Variants in TENM2 observed in about 807,000 individuals in gnomAD.
TENM2 encodes the protein teneurin-2.
A neutral mutation model predicts 245.2 loss-of-function variants in TENM2; 52 were observed. The observed-to-expected ratio is 0.21, with a 90% CI of 0.17 to 0.27. The LOEUF (loss-of-function observed/expected upper bound fraction) is 0.27. Ranked by LOEUF, TENM2 falls within the 10% of genes least tolerant of loss-of-function variation. The pLI, the probability that TENM2 is intolerant of heterozygous loss-of-function variation, is 1.00. For synonymous variants in TENM2, 1,363 were observed against 1,438.9 expected (o/e 0.95, Z 1.19); for missense variants, 3,046 against 3,666.8 (o/e 0.83, Z 4.37).
intron 2 of TENM2, among the ~76,000 whole-genome samples, chr5:167,474,957 C>T (rs1466401287): frequency 6.6e-6 from 1 of 152,096 alleles, no homozygotes; most frequent in Non-Finnish European, 1.5e-5. Context: ...CAGTGAACCA[C>T]CAAAAGTTTG....
chr5:167,016,261 A>AAC, the TENM2 span, among the ~76,000 whole-genome samples: 58 of 117,130 alleles, frequency 5.0e-4, no homozygotes, highest in African/African-American at 1.8e-3. Context: ...CTCAAAAAAA[A>AAC]AAACAAACAA....
At chr5:167,866,132 G>A (rs548900844) in intron 2 of TENM2, among the ~76,000 whole-genome samples, 8 of 152,288 alleles carry the variant, frequency 5.3e-5, no homozygotes, top group African/African-American at 1.9e-4. Context: ...CAGTGAGTGT[G>A]GTGATCAGAA....
chr5:168,248,132 AT>A lies in TENM2; in HGVS notation c.7195del (p.Tyr2399MetfsTer21). On this transcript the variant is annotated frameshift_variant, in exon 27 of 29. Transcript: ENST00000518659. LOFTEE classifies it high-confidence loss of function. ...CAGTACACGGCCTATGGGGAGATTT[AT>A]TATGACTCCAACCCCGACTTCCAGA... The A allele has an allele frequency of 6.2e-7, 1 of 1,613,946 alleles. No homozygotes were observed. The highest frequency in any genetic ancestry group is 8.5e-7 in the Non-Finnish European group (1 of 1,179,868).
chr5:167,909,451 A>G (rs1041585349), intron 3 of TENM2, among the ~76,000 whole-genome samples: 1 of 152,208 alleles, frequency 6.6e-6, no homozygotes, highest in Non-Finnish European at 1.5e-5. Context: ...TATTGAAAGT[A>G]TTGTTGCACT....
chr5:167,421,502 C>T (rs1763504990), intron 2 of TENM2, among the ~76,000 whole-genome samples: 1 of 152,146 alleles, frequency 6.6e-6, no homozygotes, highest in Non-Finnish European at 1.5e-5. Flanking sequence ...ACAGGTGGCC[C>T]TCCTCTTTGA....
At chr5:168,092,490 C>T (rs570235181) in intron 8 of TENM2, among the ~76,000 whole-genome samples, 4 of 152,338 alleles carry the variant, frequency 2.6e-5, no homozygotes, top group African/African-American at 9.6e-5. Flanking sequence ...AATCCTTACT[C>T]TCTGTCCCTT....
chr5:167,479,776 G>A (rs1473522097), intron 2 of TENM2, among the ~76,000 whole-genome samples: 1 of 152,038 alleles, frequency 6.6e-6, no homozygotes, highest in Admixed American at 6.6e-5. Context: ...TTCATTCCCT[G>A]GTATATGGAA....
intron 7 of TENM2, among the ~76,000 whole-genome samples, chr5:168,077,062 A>T (rs1791540788): frequency 6.6e-6 from 1 of 152,184 alleles, no homozygotes. Flanking sequence ...TCTGTGTCTC[A>T]GTTTCCTCAT....
chr5:167,123,982 A>G, the TENM2 span, among the ~76,000 whole-genome samples: 3 of 152,350 alleles, frequency 2.0e-5, no homozygotes, highest in Non-Finnish European at 2.9e-5. Context: ...GTAAAAGTAC[A>G]ATTAAAAAAT....
the TENM2 span, among the ~76,000 whole-genome samples, chr5:167,115,032 T>G: frequency 6.6e-6 from 1 of 152,192 alleles, no homozygotes; most frequent in Non-Finnish European, 1.5e-5. Flanking sequence ...AACCTGGATT[T>G]GCAAAAAACA....
intron 5 of TENM2, 86 bp from the exon 8 acceptor site, chr5:168,047,341 T>C (rs1788694572): frequency 1.3e-6 from 2 of 1,488,098 alleles, no homozygotes; most frequent in African/African-American, 2.8e-5. Context: ...AGGCAATCGC[T>C]TGGAAAAGGG....
chr5:167,610,226 C>T (rs1217551491), intron 2 of TENM2, among the ~76,000 whole-genome samples: 2 of 152,104 alleles, frequency 1.3e-5, no homozygotes, highest in East Asian at 3.9e-4. Flanking sequence ...AGCTTTCATG[C>T]CTTCCCCAGA....
intron 6 of TENM2, among the ~76,000 whole-genome samples, chr5:168,057,853 G>A (rs1414063116): frequency 6.6e-6 from 1 of 152,154 alleles, no homozygotes. Flanking sequence ...TCTGAGGGGA[G>A]TCGGTGGGAG....
intron 2 of TENM2, among the ~76,000 whole-genome samples, chr5:167,665,843 TAAC>T (rs2150337148): frequency 6.6e-6 from 1 of 152,270 alleles, no homozygotes; most frequent in South Asian, 2.1e-4. Flanking sequence ...TTTGCACTAG[TAAC>T]AACACTCAAT....
chr5:167,460,264 A>G (rs1419765393), intron 2 of TENM2, among the ~76,000 whole-genome samples: 1 of 152,198 alleles, frequency 6.6e-6, no homozygotes, highest in Non-Finnish European at 1.5e-5. Context: ...TATGTTTATG[A>G]TATCTTAAAT....
At chr5:167,951,839 C>T (rs1780129844) in intron 3 of TENM2, among the ~76,000 whole-genome samples, 1 of 151,108 alleles carries the variant, frequency 6.6e-6, no homozygotes, top group South Asian at 2.1e-4. Context: ...CATACATACG[C>T]AAATATGTGT....
At chr5:167,292,574 A>T (rs1754698285) in intron 1 of TENM2, among the ~76,000 whole-genome samples, 1 of 152,170 alleles carries the variant, frequency 6.6e-6, no homozygotes, top group Non-Finnish European at 1.5e-5. Flanking sequence ...TAACATGGAT[A>T]GTTTTGAGTT....
intron 25 of TENM2, chr5:168,230,742 C>T (rs1006122375): frequency 1.8e-4 from 27 of 152,158 alleles, no homozygotes; most frequent in Admixed American, 1.8e-3. Context: ...ACACTACAGT[C>T]AGTACCACGG....
At chr5:167,305,053 A>G (rs1245852068) in intron 1 of TENM2, among the ~76,000 whole-genome samples, 5 of 152,148 alleles carry the variant, frequency 3.3e-5, no homozygotes, top group South Asian at 2.1e-4. Flanking sequence ...CCTTCCCTGC[A>G]CTATCCCTGA....
Sources: allele counts gnomAD v4.1 joint callset (sites outside exome capture counted in the v4.1 genomes callset), GRCh38; gene constraint gnomAD v4.1.1; transcripts MANE v1.5; gene names NCBI Gene and HGNC (gene_info 2026-07-23, HGNC 2026-07-21).